Variants in OXSR1 observed in about 807,000 individuals in gnomAD.
OXSR1 encodes the protein oxidative stress responsive kinase 1.
Under a neutral mutation model 79.8 loss-of-function variants are expected in OXSR1, and 24 were observed. The ratio of observed to expected loss-of-function variants is 0.30; its 90% confidence interval spans 0.22 to 0.42. OXSR1 has a LOEUF of 0.42. Among genes scored for constraint, OXSR1 ranks in the 10% least tolerant of loss-of-function variants. The pLI, the probability that OXSR1 is intolerant of heterozygous loss-of-function variation, is 1.00. For synonymous variants in OXSR1, 226 were observed against 209.2 expected, an observed-to-expected ratio of 1.08 and a Z score of -0.69; for missense variants, 430 against 618.4, an observed-to-expected ratio of 0.70 and a Z score of 3.23.
rs1703318656 is a variant in OXSR1 at position 38,254,381 on chromosome 3, C to T, written c.*1490C>T. The T allele has an allele frequency of 2.5e-6, 1 of 394,202 alleles. No individual in the cohort carries two copies. Among genetic ancestry groups the T allele is most frequent in the Non-Finnish European group, 4.5e-6 (1 of 223,734 alleles). 24.4% of individuals were successfully genotyped at this position (394,202 alleles called of 1,614,324 possible). A position where few individuals can be genotyped will look rare whatever the true frequency, so the allele number is the denominator to read the frequency against. On this transcript the variant is annotated 3_prime_UTR_variant, in exon 18 of 18. Transcript: ENST00000311806. ...AGTTTTAGTCATGGGCTTTCTTCAC[C>T]TGCTCTAGGTGCAAAGGCATGTTGG...
chr3:38,172,345 A>G (rs1445883982), intron 1 of OXSR1, among the ~76,000 whole-genome samples: 1 of 152,208 alleles, frequency 6.6e-6, no homozygotes, highest in Non-Finnish European at 1.5e-5. Context: ...GACCATCACC[A>G]TGATATTGCT....
At chr3:38,169,303 T>TTTG (rs1701529520) in intron 1 of OXSR1, among the ~76,000 whole-genome samples, 1 of 151,906 alleles carries the variant, frequency 6.6e-6, no homozygotes, top group Non-Finnish European at 1.5e-5. Flanking sequence ...TTGTTTTTTT[T>TTTG]TTTGTTTGTT....
At chr3:38,199,551 A>G (rs1416232526) in intron 4 of OXSR1, among the ~76,000 whole-genome samples, 1 of 152,130 alleles carries the variant, frequency 6.6e-6, no homozygotes, top group Non-Finnish European at 1.5e-5. Flanking sequence ...TTTAATAAAT[A>G]AGAGCATTTT....
chr3:38,237,574 T>C (rs1453395873), intron 11 of OXSR1, among the ~76,000 whole-genome samples: 2 of 152,198 alleles, frequency 1.3e-5, no homozygotes, highest in African/African-American at 2.4e-5. Flanking sequence ...GGATGAATAG[T>C]GAGTATACTG....
chr3:38,239,213 A>G (rs368025843), intron 11 of OXSR1, among the ~76,000 whole-genome samples: 3 of 152,048 alleles, frequency 2.0e-5, no homozygotes, highest in African/African-American at 4.8e-5. Flanking sequence ...TCTAACATCC[A>G]TGTCAATTCT....
chr3:38,254,348 G>T lies in OXSR1; in HGVS notation c.*1457G>T. 1 of 396,936 alleles carries T rather than the reference G, an allele frequency of 2.5e-6. No homozygotes were observed. Among genetic ancestry groups the T allele is most frequent in the Non-Finnish European group, 4.4e-6 (1 of 225,230 alleles). The allele number at this position is 396,936 out of a possible 1,614,324, so 24.6% of individuals were successfully genotyped here. A position where few individuals can be genotyped will look rare whatever the true frequency, so the allele number is the denominator to read the frequency against. ...CTTGTCACACCTTTTGTTTCATTCTGAGTCTTTAGTTTTAGTCATGGGCTT... is the reference window on the plus strand; with the variant it reads ...CTTGTCACACCTTTTGTTTCATTCTTAGTCTTTAGTTTTAGTCATGGGCTT... On this transcript the variant is annotated 3_prime_UTR_variant, in exon 18 of 18. Coordinates refer to ENST00000311806, the MANE Select transcript of OXSR1 (RefSeq NM_005109.3).
In OXSR1 at chr3:38,235,556, A is replaced by G. The variant is rs1310102814; in HGVS notation, c.952-1283A>G. Among the ~76,000 whole-genome samples the G allele has an allele frequency of 2.6e-5, 4 of 152,172 alleles. No individual in the cohort carries two copies. The East Asian group carries it at 7.7e-4, about 29-fold the overall frequency. On this transcript the variant is annotated intron_variant, in intron 10 of 17. Transcript: ENST00000311806. ...TTTCCAGATTGAAAGAGTCTTGAGTACTCAGCACAATTAATGAAAATAGAC... is the reference window on the plus strand; with the variant it reads ...TTTCCAGATTGAAAGAGTCTTGAGTGCTCAGCACAATTAATGAAAATAGAC...
chr3:38,164,806 T>C (rs1296316756), upstream of OXSR1, among the ~76,000 whole-genome samples: 1 of 152,096 alleles, frequency 6.6e-6, no homozygotes, highest in Non-Finnish European at 1.5e-5. Flanking sequence ...ACCCGCCCAG[T>C]GCAGGGTGGA....
chr3:38,206,853 A>G (rs976193761), intron 4 of OXSR1, among the ~76,000 whole-genome samples: 1 of 152,248 alleles, frequency 6.6e-6, no homozygotes, highest in South Asian at 2.1e-4. Context: ...TTCAGATCCC[A>G]GCTCTGTCAC....
At chr3:38,224,974 G>A (rs1158005741) in intron 8 of OXSR1, 1 of 195,666 alleles carries the variant, frequency 5.1e-6, no homozygotes, top group African/African-American at 2.3e-5. Flanking sequence ...TGCCAAGTTA[G>A]TGGAGAGATT....
In OXSR1 at chr3:38,253,263, C is replaced by T. The variant is rs2298417; in HGVS notation, c.*372C>T. ...GCTGTATCGGGCTTCCTCATCCTGCCTGTTCCCCCACACCTGCCAGGATAT... is the reference window on the plus strand; with the variant it reads ...GCTGTATCGGGCTTCCTCATCCTGCTTGTTCCCCCACACCTGCCAGGATAT... On this transcript the variant is annotated 3_prime_UTR_variant, in exon 18 of 18. Coordinates refer to ENST00000311806, the MANE Select transcript of OXSR1 (RefSeq NM_005109.3). 3,913 of 212,018 alleles carry T rather than the reference C, an allele frequency of 0.018. 235 individuals carry two copies. The highest frequency in any genetic ancestry group is 0.15 in the East Asian group (1,291 of 8,488). 13.1% of individuals were successfully genotyped at this position (212,018 alleles called of 1,614,324 possible).
chr3:38,229,187 T>A (rs922371224), intron 8 of OXSR1, among the ~76,000 whole-genome samples: 4 of 152,268 alleles, frequency 2.6e-5, no homozygotes, highest in African/African-American at 7.2e-5. Flanking sequence ...AAAGGGAGAT[T>A]GTGAAATCTG....
At chr3:38,213,754 A>G (rs1702431724) in intron 4 of OXSR1, among the ~76,000 whole-genome samples, 1 of 152,194 alleles carries the variant, frequency 6.6e-6, no homozygotes, top group Non-Finnish European at 1.5e-5. Flanking sequence ...TTATGAATCC[A>G]CAATACCCTG....
Position 38,223,892 on chromosome 3 carries a change from T to C in OXSR1, c.681T>C (p.Tyr227=). 6.2e-7 allele frequency: 1 copy of C among 1,600,678 alleles called. No homozygotes were observed. The part of the protein sequence containing the change: ...AIELATGAAP[Y]HKYPPMKVLM... The stretch of plus-strand genomic sequence containing the variant: ...AATTGGCTACAGGGGCGGCTCCTTA[T>C]CATAAATATCCACCAATGAAGGTGA... Residue 227 remains tyrosine (Y), a synonymous_variant, in exon 7 of 18, where the codon TAT becomes TAC. Coordinates refer to ENST00000311806, the MANE Select transcript of OXSR1 (RefSeq NM_005109.3).
chr3:38,166,059 C>G, intron 1 of OXSR1, 113 bp downstream of exon 1: 1 of 890,958 alleles, frequency 1.1e-6, no homozygotes, highest in Non-Finnish European at 1.7e-6. Context: ...ATTCGTGGGG[C>G]GCTTGTGGGG....
intron 2 of OXSR1, among the ~76,000 whole-genome samples, chr3:38,189,026 A>G (rs999863929): frequency 1.2e-4 from 18 of 152,200 alleles, no homozygotes; most frequent in African/African-American, 4.1e-4. Context: ...TGTTGAAAAC[A>G]TGAACTTCTT....
intron 5 of OXSR1, among the ~76,000 whole-genome samples, chr3:38,218,738 C>G (rs1315363013): frequency 6.6e-6 from 1 of 152,138 alleles, no homozygotes; most frequent in Admixed American, 6.5e-5. Context: ...GAAATCATTG[C>G]TAACGCCAGT....
intron 1 of OXSR1, among the ~76,000 whole-genome samples, chr3:38,180,708 A>AT (rs889602247): frequency 2.6e-5 from 4 of 151,252 alleles, no homozygotes; most frequent in Non-Finnish European, 5.9e-5. Flanking sequence ...TTATTTTTGT[A>AT]TTTTTTGTAG....
chr3:38,195,349 G>C (rs1323724379), intron 3 of OXSR1, among the ~76,000 whole-genome samples: 1 of 152,096 alleles, frequency 6.6e-6, no homozygotes, highest in Non-Finnish European at 1.5e-5. Flanking sequence ...AAATGCATGG[G>C]GACTTCCTTG....
Sources: gnomAD v4.1 joint callset for allele counts (sites outside exome capture counted in the v4.1 genomes callset) on GRCh38, gnomAD v4.1.1 for gene constraint, MANE v1.5 for transcripts, NCBI Gene and HGNC (gene_info 2026-07-23, HGNC 2026-07-21) for gene names.